Variants in SLC39A10 observed in about 807,000 individuals in gnomAD.
SLC39A10 encodes the protein zinc transporter ZIP10.
In SLC39A10, 13 loss-of-function variants were observed where a neutral mutation model predicts 65.1. The observed-to-expected ratio is 0.20, with a 90% CI of 0.13 to 0.32. The LOEUF (loss-of-function observed/expected upper bound fraction) is 0.32, where lower values mean the gene tolerates loss of function less well. SLC39A10 is among the 10% of genes least tolerant of loss of function. The pLI is 1.00. For synonymous variants in SLC39A10, 321 were observed against 342.2 expected (o/e 0.94, Z 0.68); for missense variants, 831 against 1,018.4 (o/e 0.82, Z 2.50).
In SLC39A10 at chr2:195,708,744, A is replaced by G; in HGVS notation, c.1475A>G (p.Tyr492Cys). ...GAATCTAACAAGTTTTTGGAAGAAT[A>G]TGATGCTGTATTGAAAGGACTTGTT... is the stretch of plus-strand genomic sequence containing the variant. ...GHESNKFLEE[Y>C]DAVLKGLVAL... Residue 492 changes from tyrosine to cysteine, a missense_variant, in exon 5 of 10, where the codon TAT (tyrosine) becomes TGT (cysteine). Around this residue, in one of 4 missense-constraint regions of SLC39A10, gnomAD observed 230 missense variants for 242.9 expected, o/e 0.95. Transcript: ENST00000359634. 4 of 1,613,276 alleles carry G rather than the reference A, an allele frequency of 2.5e-6. No homozygotes were observed. Among genetic ancestry groups the G allele is most frequent in the Non-Finnish European group, 3.4e-6 (4 of 1,179,552 alleles).
At chr2:195,702,881 T>C (rs1691248147) in intron 3 of SLC39A10, among the ~76,000 whole-genome samples, 1 of 152,208 alleles carries the variant, frequency 6.6e-6, no homozygotes, top group Admixed American at 6.5e-5. Flanking sequence ...GTGCTGTTAA[T>C]TGTTGGTCCT....
intron 1 of SLC39A10, among the ~76,000 whole-genome samples, chr2:195,672,998 AT>A (rs962753148): frequency 1.7e-4 from 26 of 152,192 alleles, no homozygotes; most frequent in African/African-American, 6.3e-4. Context: ...AGTAAAATTG[AT>A]ACACCGTTTA....
chr2:195,613,559 T>G (rs1023830095), intron 2 of SLC39A10, among the ~76,000 whole-genome samples: 6 of 152,248 alleles, frequency 3.9e-5, no homozygotes, highest in African/African-American at 1.2e-4. Flanking sequence ...ACCTATTTTG[T>G]GAAGTGTTTT....
intron 1 of SLC39A10, among the ~76,000 whole-genome samples, chr2:195,659,430 A>C (rs1336829909): frequency 2.6e-5 from 4 of 152,148 alleles, no homozygotes; most frequent in Middle Eastern, 3.2e-3. Context: ...GTACTAATCT[A>C]GGGGGTGTGC....
chr2:195,682,076 C>G (rs955883678), intron 2 of SLC39A10, among the ~76,000 whole-genome samples: 1 of 152,128 alleles, frequency 6.6e-6, no homozygotes, highest in Non-Finnish European at 1.5e-5. Flanking sequence ...TTTTCATACT[C>G]TTGGGTACTT....
intron 3 of SLC39A10, among the ~76,000 whole-genome samples, chr2:195,702,503 A>G (rs1472441616): frequency 6.6e-6 from 1 of 152,224 alleles, no homozygotes; most frequent in Non-Finnish European, 1.5e-5. Flanking sequence ...AGTAGTTAAC[A>G]TCAGACAGAT....
intron 6 of SLC39A10, among the ~76,000 whole-genome samples, chr2:195,715,133 T>C (rs1303721583): frequency 2.0e-5 from 3 of 152,206 alleles, no homozygotes; most frequent in African/African-American, 7.2e-5. Flanking sequence ...AATAAAAATA[T>C]TTCCTATAAT....
intron 2 of SLC39A10, among the ~76,000 whole-genome samples, chr2:195,625,178 T>C (rs573107442): frequency 1.6e-5 from 2 of 123,822 alleles, no homozygotes; most frequent in South Asian, 3.0e-4. Flanking sequence ...AAATGTACCA[T>C]TGCACTCCAG....
In SLC39A10 at chr2:195,622,129, G is replaced by A. The variant is rs148911544; in HGVS notation, c.-12+15896G>A. 5.4e-3 allele frequency among the ~76,000 whole-genome samples: 829 copies of A among 152,284 alleles called. 5 individuals carry two copies. The highest frequency in any genetic ancestry group is 0.017 in the Middle Eastern group (5 of 294). Reference sequence around the variant, plus strand: ...GCCTATAATCCCAGCATTTTGGGAGGCCGAGGTGGGTGGATTGCTTGAGCC... The same window carrying A: ...GCCTATAATCCCAGCATTTTGGGAGACCGAGGTGGGTGGATTGCTTGAGCC... On this transcript the variant is annotated intron_variant, in intron 2 of 2. Coordinates refer to the SLC39A10 transcript ENST00000458054.
chr2:195,715,525 CAA>C lies in SLC39A10; in HGVS notation c.1697-1090_1697-1089del, dbSNP rs545656309. ...TGGGTGACAGAGTGAGACTCTGTCT[CAA>C]AAAAAAAAAAAAAAAAAAAAAGAAA... On this transcript the variant is annotated intron_variant, in intron 6 of 9. Coordinates refer to ENST00000359634, the MANE Select transcript of SLC39A10 (RefSeq NM_020342.3). Among the ~76,000 whole-genome samples the C allele has an allele frequency of 0.023, 1,397 of 61,512 alleles. 18 individuals are homozygous for C. In the East Asian group the frequency reaches 0.28, roughly 12 times the overall value. The allele number at this position is 61,512 out of a possible 152,430, so 40.4% of individuals were successfully genotyped here. A position where few individuals can be genotyped will look rare whatever the true frequency, so the allele number is the denominator to read the frequency against.
At chr2:195,671,816 A>G (rs1372611905) in intron 1 of SLC39A10, 1 of 152,228 alleles carries the variant, frequency 6.6e-6, no homozygotes, top group Non-Finnish European at 1.5e-5. Flanking sequence ...TGCAACTTCT[A>G]CTTCCCTTGA....
At chr2:195,684,267 G>T (rs575270111) in intron 3 of SLC39A10, among the ~76,000 whole-genome samples, 9 of 152,154 alleles carry the variant, frequency 5.9e-5, no homozygotes, top group African/African-American at 1.7e-4. Context: ...TTATCAGGGT[G>T]CCTCTGTTGA....
At chr2:195,630,103 ATGTGTGTG>A (rs35865354) in intron 2 of SLC39A10, among the ~76,000 whole-genome samples, 20 of 131,822 alleles carry the variant, frequency 1.5e-4, no homozygotes, top group East Asian at 2.2e-4. Context: ...CTCATTTTAT[ATGTGTGTG>A]TGTGTGTGTG....
At chr2:195,641,689 T>TC (rs1688813814) in intron 2 of SLC39A10, among the ~76,000 whole-genome samples, 1 of 149,520 alleles carries the variant, frequency 6.7e-6, no homozygotes, top group East Asian at 2.0e-4. Context: ...ATAGTTCTTT[T>TC]TTTTTTTTTT....
At chr2:195,640,072 C>T (rs1055572634) in intron 2 of SLC39A10, among the ~76,000 whole-genome samples, 2 of 152,120 alleles carry the variant, frequency 1.3e-5, no homozygotes, top group Admixed American at 6.5e-5. Flanking sequence ...GGAGCTGTTT[C>T]AATTGGCTCC....
intron 2 of SLC39A10, among the ~76,000 whole-genome samples, chr2:195,682,550 C>T (rs1690365633): frequency 6.6e-6 from 1 of 152,022 alleles, no homozygotes; most frequent in African/African-American, 2.4e-5. Flanking sequence ...CCTTAACTTC[C>T]CAAAGTGCTG....
At chr2:195,731,879 A>G (rs910273877) in intron 9 of SLC39A10, among the ~76,000 whole-genome samples, 1 of 152,240 alleles carries the variant, frequency 6.6e-6, no homozygotes, top group Non-Finnish European at 1.5e-5. Context: ...AGCTAGGACT[A>G]TATTCTGAGG....
intron 1 of SLC39A10, 194 bp downstream of exon 1, chr2:195,657,475 G>T (rs1031255453): frequency 1.0e-6 from 1 of 985,704 alleles, no homozygotes; most frequent in African/African-American, 1.7e-5. Context: ...AGCCGAAGCA[G>T]AGCGCGTGGT....
intron 1 of SLC39A10, among the ~76,000 whole-genome samples, chr2:195,679,246 T>C (rs1690213064): frequency 2.6e-5 from 2 of 76,758 alleles, no homozygotes; most frequent in Non-Finnish European, 6.4e-5. Flanking sequence ...ATTTTTGTAA[T>C]GATGTGTGAG....
Sources: gnomAD v4.1 joint callset for allele counts (sites outside exome capture counted in the v4.1 genomes callset) on GRCh38, gnomAD v4.1.1 for gene constraint, gnomAD v4.1.1 regional missense constraint, MANE v1.5 for transcripts, NCBI Gene and HGNC (gene_info 2026-07-23, HGNC 2026-07-21) for gene names.